EPB41L5: variants seen among roughly 807,000 people sequenced by gnomAD.
The protein encoded by EPB41L5 is erythrocyte membrane protein band 4.1 like 5.
Under a neutral mutation model 106.6 loss-of-function variants are expected in EPB41L5, and 55 were observed. The ratio of observed to expected loss-of-function variants is 0.52; its 90% CI spans 0.42 to 0.65. The LOEUF is 0.65. Ranked by LOEUF, EPB41L5 falls within the 30% of genes least tolerant of loss-of-function variation. EPB41L5 has a pLI of 0.00. For missense variants in EPB41L5, 871 were observed against 882.1 expected, an observed-to-expected ratio of 0.99 and a Z score of 0.16; for synonymous variants, 297 against 306.7, an observed-to-expected ratio of 0.97 and a Z score of 0.33.
chr2:120,095,134 TC>T (rs1314807699), intron 14 of EPB41L5, among the ~76,000 whole-genome samples: 1 of 152,216 alleles, frequency 6.6e-6, no homozygotes, highest in Admixed American at 6.5e-5. Context: ...AGTATTGTAG[TC>T]TACAACTATT....
At chr2:120,149,008 G>A (rs1000276325) in intron 20 of EPB41L5, among the ~76,000 whole-genome samples, 16 of 152,002 alleles carry the variant, frequency 1.1e-4, no homozygotes, top group Non-Finnish European at 2.1e-4. Flanking sequence ...CAATTTCTCC[G>A]TGTCATTGAC....
rs1272444946 is a variant in EPB41L5, at chr2:120,091,711, A to G, written c.1150+50A>G. The G allele has an allele frequency of 2.8e-6, 4 of 1,415,992 alleles. No individual in the cohort carries two copies. In the Admixed American group the frequency reaches 7.2e-5, roughly 26 times the overall value. 87.7% of individuals were successfully genotyped at this position (1,415,992 alleles called of 1,614,324 possible). A position where few individuals can be genotyped will look rare whatever the true frequency, so the allele number is the denominator to read the frequency against. The stretch of plus-strand genomic sequence containing the variant: ...GATTATTTTTCCTTGGCAATTAATT[A>G]TGTGCTGGTGTTGTTTCCATAAGAG... On this transcript the variant is annotated intron_variant, in intron 13 of 24. Coordinates refer to ENST00000263713, the MANE Select transcript of EPB41L5 (RefSeq NM_020909.4).
rs561108137 is a variant in EPB41L5, at chr2:120,137,037, T to C, written c.1599+5322T>C. Among the ~76,000 whole-genome samples the C allele has an allele frequency of 2.0e-5, 3 of 152,066 alleles. No homozygotes were observed. In the South Asian group the frequency reaches 6.2e-4, roughly 32 times the overall value. On this transcript the variant is annotated intron_variant, in intron 18 of 24. Transcript: ENST00000263713. ...ATTTCCAGTATCTTCTCTGACCACA[T>C]GGAATAAAACTAGAAATCAATAACA...
intron 11 of EPB41L5, among the ~76,000 whole-genome samples, chr2:120,088,635 G>C (rs947495161): frequency 2.0e-4 from 31 of 152,134 alleles, no homozygotes; most frequent in Admixed American, 3.3e-4. Context: ...ACACTAAGGT[G>C]TATGTATATT....
In EPB41L5 at chr2:120,154,096, T is replaced by G. The variant is rs75995197; in HGVS notation, c.1794-6785T>G. Among the ~76,000 whole-genome samples the G allele has an allele frequency of 6.1e-3, 799 of 130,070 alleles. 4 individuals are homozygous for G. Among genetic ancestry groups the G allele is most frequent in the African/African-American group, 0.023 (769 of 33,274 alleles). The allele number at this position is 130,070 out of a possible 152,430, so 85.3% of individuals were successfully genotyped here. Reference sequence around the variant, plus strand: ...CCATTACTGTCTTCTTTGTTTAACGTTTTTTTTTTTCATGAGCATACCCCT... The same window carrying G: ...CCATTACTGTCTTCTTTGTTTAACGGTTTTTTTTTTCATGAGCATACCCCT... On this transcript the variant is annotated intron_variant, in intron 20 of 24. Transcript: ENST00000263713.
At chr2:120,145,264 A>T (rs1686345886) in intron 19 of EPB41L5, among the ~76,000 whole-genome samples, 1 of 152,236 alleles carries the variant, frequency 6.6e-6, no homozygotes, top group South Asian at 2.1e-4. Flanking sequence ...AGGTTAACAC[A>T]GATGTTAGTA....
intron 20 of EPB41L5, among the ~76,000 whole-genome samples, chr2:120,148,760 G>C (rs1686526933): frequency 6.6e-6 from 1 of 152,036 alleles, no homozygotes; most frequent in African/African-American, 2.4e-5. Flanking sequence ...TATATCAGTT[G>C]ATGGACATTT....
At chr2:120,056,672 A>AT (rs1680675292) in intron 3 of EPB41L5, among the ~76,000 whole-genome samples, 2 of 21,932 alleles carry the variant, frequency 9.1e-5, no homozygotes, top group African/African-American at 3.4e-4. Flanking sequence ...TTTTCTTGTG[A>AT]CTTTTTTTTT....
chr2:120,134,678 A>C (rs1574733641), intron 18 of EPB41L5, among the ~76,000 whole-genome samples: 1 of 152,188 alleles, frequency 6.6e-6, no homozygotes, highest in South Asian at 2.1e-4. Flanking sequence ...CCCGGATCTT[A>C]CCCAAGACTA....
intron 2 of EPB41L5, among the ~76,000 whole-genome samples, chr2:120,039,012 A>G (rs1200177142): frequency 6.6e-6 from 1 of 152,228 alleles, no homozygotes; most frequent in African/African-American, 2.4e-5. Context: ...AAATTTTGAT[A>G]TATTTTGCAA....
intron 16 of EPB41L5, among the ~76,000 whole-genome samples, chr2:120,116,584 T>A (rs1244133442): frequency 6.6e-6 from 1 of 152,222 alleles, no homozygotes; most frequent in East Asian, 1.9e-4. Flanking sequence ...TGCAGTGGTT[T>A]GATCATGGCT....
intron 18 of EPB41L5, among the ~76,000 whole-genome samples, chr2:120,135,480 C>A (rs1259459688): frequency 9.9e-5 from 15 of 152,106 alleles, no homozygotes; most frequent in Non-Finnish European, 2.2e-4. Context: ...AATAGGACTA[C>A]CTCAAGATAT....
chr2:120,136,718 G>A (rs1685937775), intron 18 of EPB41L5, among the ~76,000 whole-genome samples: 1 of 151,962 alleles, frequency 6.6e-6, no homozygotes, highest in South Asian at 2.1e-4. Flanking sequence ...AATAATATAT[G>A]CACCTAAAAC....
intron 2 of EPB41L5, among the ~76,000 whole-genome samples, chr2:120,021,082 C>G (rs1482347373): frequency 1.3e-5 from 2 of 152,190 alleles, no homozygotes; most frequent in African/African-American, 2.4e-5. Context: ...TGGCTTATGC[C>G]TGTAATCCCA....
chr2:120,111,648 T>C (rs576492386), intron 16 of EPB41L5, among the ~76,000 whole-genome samples: 2 of 152,238 alleles, frequency 1.3e-5, no homozygotes, highest in East Asian at 3.9e-4. Context: ...TGTTACCATC[T>C]TTACTGCTCC....
intron 16 of EPB41L5, among the ~76,000 whole-genome samples, chr2:120,112,010 G>A (rs538876815): frequency 2.6e-5 from 4 of 151,906 alleles, no homozygotes; most frequent in African/African-American, 9.7e-5. Context: ...GGTTCATTCC[G>A]GCACCATCAG....
In EPB41L5 at chr2:120,090,484, A is replaced by T. The variant is rs767909465; in HGVS notation, c.1011A>T (p.Gly337=). 5 of 1,613,086 alleles carry T rather than the reference A, an allele frequency of 3.1e-6. No homozygotes were observed. Among genetic ancestry groups the T allele is most frequent in the Non-Finnish European group, 3.4e-6 (4 of 1,179,660 alleles). ...GPVQKSSHRS[G]FIRLGSRFRY... The stretch of plus-strand genomic sequence containing the variant: ...TCCAAAAGAGTTCTCATCGATCAGG[A>T]TTTATTCGACTAGGATCACGATTTA... The change falls in exon 12 of 25, where the codon GGA becomes GGT. Residue 337 remains glycine, a synonymous_variant. Coordinates refer to ENST00000263713, the MANE Select transcript of EPB41L5 (RefSeq NM_020909.4).
At chr2:120,153,498 G>A (rs144184267) in intron 20 of EPB41L5, among the ~76,000 whole-genome samples, 4 of 151,968 alleles carry the variant, frequency 2.6e-5, no homozygotes, top group Non-Finnish European at 5.9e-5. Context: ...TGTTCATTAG[G>A]GCTCATTGGT....
chr2:120,102,326 T>G (rs1210784016), intron 16 of EPB41L5, among the ~76,000 whole-genome samples: 1 of 152,172 alleles, frequency 6.6e-6, no homozygotes, highest in Admixed American at 6.5e-5. Context: ...ATGAAAAATT[T>G]GGAGCTGTGT....
Sources: allele counts gnomAD v4.1 joint callset (sites outside exome capture counted in the v4.1 genomes callset), GRCh38; gene constraint gnomAD v4.1.1; transcripts MANE v1.5; gene names NCBI Gene and HGNC (gene_info 2026-07-23, HGNC 2026-07-21).